SHB: variants seen among roughly 807,000 people sequenced by gnomAD.
SHB encodes the protein SH2 domain containing adaptor protein B, also known as SH2 domain-containing adapter protein B.
A neutral mutation model predicts 52.3 loss-of-function variants in SHB; 20 were observed. The observed-to-expected ratio is 0.38, with a 90% CI of 0.27 to 0.56. The LOEUF is 0.56. Ranked by LOEUF, SHB falls within the 20% of genes least tolerant of loss-of-function variation. The pLI is 0.71. For synonymous variants in SHB, 397 were observed against 316.5 expected (o/e 1.25, Z -2.70); for missense variants, 825 against 723.3 (o/e 1.14, Z -1.61).
At chr9:38,055,335 A>C (rs1031080057) in intron 1 of SHB, among the ~76,000 whole-genome samples, 3 of 152,226 alleles carry the variant, frequency 2.0e-5, no homozygotes, top group Non-Finnish European at 4.4e-5. Context: ...GGATTTTCCT[A>C]ACACCAGCAT....
chr9:37,934,795 A>C (rs1340901722), intron 5 of SHB, among the ~76,000 whole-genome samples: 1 of 152,250 alleles, frequency 6.6e-6, no homozygotes, highest in Non-Finnish European at 1.5e-5. Context: ...TCTCAAAATT[A>C]AATCTCTGGC....
At chr9:37,962,209 T>C (rs1832699235) in intron 3 of SHB, among the ~76,000 whole-genome samples, 1 of 152,350 alleles carries the variant, frequency 6.6e-6, no homozygotes, top group South Asian at 2.1e-4. Flanking sequence ...CATGGTCACA[T>C]GTACGCTCTG....
At chr9:37,930,937 A>G (rs1832305053) in intron 5 of SHB, among the ~76,000 whole-genome samples, 1 of 152,228 alleles carries the variant, frequency 6.6e-6, no homozygotes, top group South Asian at 2.1e-4. Context: ...GTGAAACAGA[A>G]TAGAGACCCC....
intron 1 of SHB, among the ~76,000 whole-genome samples, chr9:38,047,859 C>T (rs779220323): frequency 6.6e-6 from 1 of 152,198 alleles, no homozygotes; most frequent in East Asian, 1.9e-4. Context: ...GGTCCTTGCC[C>T]GAGCTAACGC....
intron 1 of SHB, among the ~76,000 whole-genome samples, chr9:38,067,467 G>A (rs1821985192): frequency 6.6e-6 from 1 of 152,156 alleles, no homozygotes; most frequent in Non-Finnish European, 1.5e-5. Flanking sequence ...GGAGACAGCC[G>A]GTCCGGATCT....
At chr9:38,002,387 A>G (rs1225973436) in intron 2 of SHB, among the ~76,000 whole-genome samples, 1 of 152,220 alleles carries the variant, frequency 6.6e-6, no homozygotes, top group African/African-American at 2.4e-5. Context: ...TGGAAAAGCC[A>G]TCACTCCCTG....
intron 2 of SHB, among the ~76,000 whole-genome samples, chr9:38,003,851 G>A (rs1039633118): frequency 6.6e-6 from 1 of 152,228 alleles, no homozygotes; most frequent in African/African-American, 2.4e-5. Context: ...AATCCTAGAA[G>A]AGGTCAAGGA....
chr9:37,965,689 C>T (rs138469497), intron 3 of SHB, among the ~76,000 whole-genome samples: 18 of 151,940 alleles, frequency 1.2e-4, no homozygotes, highest in African/African-American at 4.1e-4. Flanking sequence ...GATTCTCCTG[C>T]CTCAGCCACC....
intron 1 of SHB, among the ~76,000 whole-genome samples, chr9:38,035,149 C>T (rs943454008): frequency 6.6e-6 from 1 of 152,000 alleles, no homozygotes; most frequent in African/African-American, 2.4e-5. Flanking sequence ...CAGTGGTCAA[C>T]CCCTGGCACA....
At chr9:38,003,909 G>C (rs539756910) in intron 2 of SHB, among the ~76,000 whole-genome samples, 1 of 152,240 alleles carries the variant, frequency 6.6e-6, no homozygotes. Flanking sequence ...GTGTGGGGTG[G>C]TGAGGCTGTT....
At chr9:37,921,780 T>TTCCAGCA (rs1445823497) in intron 5 of SHB, among the ~76,000 whole-genome samples, 2 of 152,218 alleles carry the variant, frequency 1.3e-5, no homozygotes, top group Non-Finnish European at 2.9e-5. Context: ...TAAAACTCCA[T>TTCCAGCA]TCCAGCAAAG....
intron 5 of SHB, among the ~76,000 whole-genome samples, chr9:37,923,196 C>T (rs954225369): frequency 2.1e-4 from 32 of 152,212 alleles, no homozygotes; most frequent in Admixed American, 1.6e-3. Flanking sequence ...TCATGTAACC[C>T]TCAGTGTTCC....
In SHB at chr9:38,068,471, T is replaced by C; in HGVS notation, c.175A>G (p.Thr59Ala). Reference protein sequence around the residue: ...SAASASCGPATASCFSASSGS... With the variant: ...SAASASCGPAAASCFSASSGS... The stretch of plus-strand genomic sequence containing the variant: ...GAAGAGGCTGAGAAGCAGGAGGCGG[T>C]GGCCGGACCGCAGGACGCCGAGGCG... Residue 59 changes from threonine to alanine, a missense_variant, in exon 1 of 6, where the codon ACC becomes GCC. Transcript: ENST00000377707. The C allele has an allele frequency of 6.6e-7, 1 of 1,513,260 alleles. No individual in the cohort carries two copies. The highest frequency in any genetic ancestry group is 8.8e-7 in the Non-Finnish European group (1 of 1,136,252). The allele number at this position is 1,513,260 out of a possible 1,614,324, so 93.7% of individuals were successfully genotyped here. A position where few individuals can be genotyped will look rare whatever the true frequency, so the allele number is the denominator to read the frequency against.
intron 2 of SHB, among the ~76,000 whole-genome samples, chr9:37,976,503 C>G (rs545879137): frequency 1.3e-5 from 2 of 152,204 alleles, no homozygotes; most frequent in Non-Finnish European, 2.9e-5. Context: ...CCTCAGCCCC[C>G]ACAATTACCC....
Position 37,918,511 on chromosome 9 carries a change from G to A in SHB, c.*1310C>T, listed in dbSNP as rs1304201125. ...GCTGTGTGTGTGTGTGTGTGTGTGT[G>A]TGTAGGTGTTCTTGTGTGTGGAAGC... On this transcript the variant is annotated 3_prime_UTR_variant, in exon 6 of 6. Coordinates refer to ENST00000377707, the MANE Select transcript of SHB (RefSeq NM_003028.3). Among the ~76,000 whole-genome samples the A allele has an allele frequency of 1.3e-5, 2 of 150,178 alleles. No individual in the cohort carries two copies. Among genetic ancestry groups the A allele is most frequent in the African/African-American group, 4.9e-5 (2 of 40,426 alleles).
At chr9:37,945,925 A>G (rs1278619459) in intron 5 of SHB, among the ~76,000 whole-genome samples, 3 of 152,244 alleles carry the variant, frequency 2.0e-5, no homozygotes, top group East Asian at 1.9e-4. Flanking sequence ...GTGGCAGGAC[A>G]GGACTCCTAT....
intron 2 of SHB, among the ~76,000 whole-genome samples, chr9:37,988,605 C>T (rs1820839841): frequency 6.6e-6 from 1 of 152,166 alleles, no homozygotes; most frequent in African/African-American, 2.4e-5. Flanking sequence ...GCTTCTCTTC[C>T]ATACACAAAG....
At chr9:37,993,822 G>T (rs929544408) in intron 2 of SHB, among the ~76,000 whole-genome samples, 4 of 152,192 alleles carry the variant, frequency 2.6e-5, no homozygotes, top group African/African-American at 9.7e-5. Context: ...GAATTTTAAG[G>T]TTCTCTTCTA....
Position 37,985,640 on chromosome 9 carries a change from T to C in SHB, c.839-10803A>G, listed in dbSNP as rs556611612. ...TCTACTTAGGAGACTGCTTTCTAAA[T>C]CCTCGCCGACTGCAACATCCAACTT... On this transcript the variant is annotated intron_variant, in intron 2 of 5. Transcript: ENST00000377707. 3.9e-5 allele frequency among the ~76,000 whole-genome samples: 6 copies of C among 152,348 alleles called. No homozygotes were observed. The South Asian group carries it at 8.3e-4, about 21-fold the overall frequency.
Sources: allele counts gnomAD v4.1 joint callset (sites outside exome capture counted in the v4.1 genomes callset), GRCh38; gene constraint gnomAD v4.1.1; transcripts MANE v1.5; gene names NCBI Gene and HGNC (gene_info 2026-07-23, HGNC 2026-07-21).